Variants in GRID2 observed in about 807,000 individuals in gnomAD.
The protein encoded by GRID2 is glutamate receptor ionotropic, delta-2.
GRID2 carries 33 observed loss-of-function variants against 114.8 expected under a neutral mutation model. The observed-to-expected ratio is 0.29, with a 90% CI of 0.22 to 0.38. The LOEUF is 0.38. Among genes scored for constraint, GRID2 ranks in the 10% least tolerant of loss-of-function variants. The pLI is 1.00. For missense variants in GRID2, 1,184 were observed against 1,257.7 expected (o/e 0.94, Z 0.89); for synonymous variants, 505 against 449.9 (o/e 1.12, Z -1.55).
At chr4:93,381,408 T>A (rs1385845378) in intron 8 of GRID2, among the ~76,000 whole-genome samples, 2 of 152,158 alleles carry the variant, frequency 1.3e-5, no homozygotes, top group Non-Finnish European at 2.9e-5. Flanking sequence ...CTATCCTTTG[T>A]AAGGCTGACT....
intron 2 of GRID2, among the ~76,000 whole-genome samples, chr4:92,710,942 T>C (rs1306627384): frequency 1.3e-5 from 2 of 151,950 alleles, no homozygotes; most frequent in African/African-American, 4.8e-5. Flanking sequence ...TTTTAATTAT[T>C]AATCTAAAGT....
At chr4:93,037,447 G>T (rs2149264430) in intron 2 of GRID2, among the ~76,000 whole-genome samples, 1 of 152,244 alleles carries the variant, frequency 6.6e-6, no homozygotes, top group African/African-American at 2.4e-5. Context: ...AGTTTAATCA[G>T]ATCCCATTTA....
At chr4:93,177,888 T>A (rs915475744) in intron 4 of GRID2, among the ~76,000 whole-genome samples, 5 of 152,122 alleles carry the variant, frequency 3.3e-5, no homozygotes, top group African/African-American at 9.7e-5. Flanking sequence ...TATATGTTAA[T>A]GCTATACAGT....
chr4:93,219,607 A>C (rs759832171), intron 6 of GRID2, among the ~76,000 whole-genome samples: 2 of 152,296 alleles, frequency 1.3e-5, no homozygotes, highest in East Asian at 1.9e-4. Flanking sequence ...AAAAAACAGA[A>C]AATGCATTTC....
intron 14 of GRID2, among the ~76,000 whole-genome samples, chr4:93,634,629 T>C (rs1369467): frequency 0.28 from 42,739 of 151,980 alleles, 8,531 homozygotes; most frequent in African/African-American, 0.57. Flanking sequence ...GCAGCACCGT[T>C]CACCAGCTTT....
At chr4:93,649,405 T>C (rs552612246) in intron 14 of GRID2, among the ~76,000 whole-genome samples, 2 of 152,330 alleles carry the variant, frequency 1.3e-5, no homozygotes, top group African/African-American at 2.4e-5. Flanking sequence ...TTTTCTTTTA[T>C]TAACATAATA....
chr4:93,662,142 T>C (rs533442328), intron 14 of GRID2, among the ~76,000 whole-genome samples: 2 of 152,298 alleles, frequency 1.3e-5, no homozygotes, highest in African/African-American at 4.8e-5. Context: ...GATTTTTTTT[T>C]TCCAAATATC....
At chr4:92,670,520 A>G (rs749554717) in intron 2 of GRID2, among the ~76,000 whole-genome samples, 18 of 152,190 alleles carry the variant, frequency 1.2e-4, no homozygotes, top group Non-Finnish European at 2.2e-4. Flanking sequence ...TTAGGTAAAC[A>G]TTGGCTTCAT....
intron 14 of GRID2, among the ~76,000 whole-genome samples, chr4:93,752,517 C>T (rs748119091): frequency 5.2e-4 from 79 of 152,070 alleles, no homozygotes; most frequent in Non-Finnish European, 8.2e-4. Flanking sequence ...ACTACAGGCA[C>T]CTGCCACCAC....
intron 2 of GRID2, among the ~76,000 whole-genome samples, chr4:92,675,551 A>AT (rs576488084): frequency 0.03 from 4,039 of 132,996 alleles, 96 homozygotes; most frequent in African/African-American, 0.055. Context: ...TTGGGCTACA[A>AT]TTTTTTTTTT....
At chr4:92,869,978 G>T (rs1043374381) in intron 2 of GRID2, among the ~76,000 whole-genome samples, 3 of 151,882 alleles carry the variant, frequency 2.0e-5, no homozygotes, top group Non-Finnish European at 4.4e-5. Context: ...ACTACATGAG[G>T]CCAGGAATTC....
intron 4 of GRID2, among the ~76,000 whole-genome samples, chr4:93,197,124 C>A (rs1165352099): frequency 2.0e-5 from 3 of 152,088 alleles, no homozygotes; most frequent in Non-Finnish European, 1.5e-5. Context: ...ACAATGGATG[C>A]ACGTAAGTTA....
intron 10 of GRID2, among the ~76,000 whole-genome samples, chr4:93,440,744 C>A (rs1347383527): frequency 2.0e-5 from 3 of 152,126 alleles, no homozygotes; most frequent in Non-Finnish European, 4.4e-5. Context: ...TATGTAGATG[C>A]AAATGACTTA....
intron 4 of GRID2, among the ~76,000 whole-genome samples, chr4:93,203,285 G>C (rs1002368893): frequency 6.6e-6 from 1 of 152,096 alleles, no homozygotes; most frequent in Non-Finnish European, 1.5e-5. Flanking sequence ...ATAATAAATG[G>C]AAGAATTAAC....
intron 2 of GRID2, among the ~76,000 whole-genome samples, chr4:93,009,997 CTAAGATA>C (rs1721960853): frequency 6.6e-6 from 1 of 151,872 alleles, no homozygotes; most frequent in Non-Finnish European, 1.5e-5. Context: ...GATAATACTG[CTAAGATA>C]TTAGTAGGAA....
chr4:93,793,625 T>G (rs1051337949), intron 1 of GRID2, among the ~76,000 whole-genome samples: 1 of 152,208 alleles, frequency 6.6e-6, no homozygotes, highest in Non-Finnish European at 1.5e-5. Flanking sequence ...TCTTCTGAAA[T>G]TGTAATATTG....
intron 1 of GRID2, among the ~76,000 whole-genome samples, chr4:92,452,680 A>G (rs886813909): frequency 1.3e-5 from 2 of 152,050 alleles, no homozygotes; most frequent in African/African-American, 4.8e-5. Context: ...TATTTTAAGC[A>G]TGAAAGTGAG....
At chr4:93,654,514 G>A (rs978717251) in intron 14 of GRID2, among the ~76,000 whole-genome samples, 4 of 152,196 alleles carry the variant, frequency 2.6e-5, no homozygotes. Context: ...ACACATATTT[G>A]TCAGAATGAA....
intron 11 of GRID2, among the ~76,000 whole-genome samples, chr4:93,460,950 C>G (rs1361102891): frequency 6.6e-6 from 1 of 152,092 alleles, no homozygotes; most frequent in Non-Finnish European, 1.5e-5. Flanking sequence ...CGTTGACATA[C>G]TTATGAATTG....
Sources: allele counts gnomAD v4.1 joint callset (sites outside exome capture counted in the v4.1 genomes callset), GRCh38; gene constraint gnomAD v4.1.1; transcripts MANE v1.5; gene names NCBI Gene and HGNC (gene_info 2026-07-23, HGNC 2026-07-21).